Variants in MBD5 observed in about 807,000 individuals in gnomAD.
The protein encoded by MBD5 is methyl-CpG binding domain protein 5.
Under a neutral mutation model 117.3 loss-of-function variants are expected in MBD5, and 13 were observed. The ratio of observed to expected loss-of-function variants is 0.11; its 90% CI spans 0.07 to 0.18. The LOEUF is 0.18. Among genes scored for constraint, MBD5 ranks in the 10% least tolerant of loss-of-function variants. The pLI, the probability that MBD5 is intolerant of heterozygous loss-of-function variation, is 1.00. For synonymous variants in MBD5, 727 were observed against 766.4 expected (o/e 0.95, Z 0.85); for missense variants, 1,879 against 2,093.8 (o/e 0.90, Z 2.00).
At chr2:148,287,801 A>G (rs1701398178) in intron 3 of MBD5, among the ~76,000 whole-genome samples, 1 of 152,068 alleles carries the variant, frequency 6.6e-6, no homozygotes, top group Non-Finnish European at 1.5e-5. Flanking sequence ...TAATGAAACC[A>G]TCCTATGATA....
At chr2:148,399,079 G>A (rs1463635222) in intron 4 of MBD5, among the ~76,000 whole-genome samples, 3 of 152,176 alleles carry the variant, frequency 2.0e-5, no homozygotes. Flanking sequence ...TTTGAAGTCA[G>A]GTAGAGTGAT....
intron 3 of MBD5, among the ~76,000 whole-genome samples, chr2:148,313,220 G>A (rs1190427696): frequency 2.0e-5 from 3 of 152,184 alleles, no homozygotes; most frequent in Admixed American, 6.5e-5. Context: ...GTGGCAGGCA[G>A]GAACATTTAT....
intron 4 of MBD5, among the ~76,000 whole-genome samples, chr2:148,420,383 A>G (rs1008053115): frequency 2.6e-5 from 4 of 151,926 alleles, no homozygotes; most frequent in Admixed American, 1.3e-4. Context: ...TTGTCCCCCA[A>G]CTTCAAAACC....
intron 1 of MBD5, among the ~76,000 whole-genome samples, chr2:148,154,388 T>C (rs1303342515): frequency 6.6e-6 from 1 of 151,722 alleles, no homozygotes; most frequent in East Asian, 2.0e-4. Context: ...TCTTTTTGTT[T>C]GTCTGTGCCC....
At position 148,224,680 on chromosome 2, in the gene MBD5, T is replaced by C. The variant is rs146254040; in HGVS notation, c.-830-8565T>C. ...CTGGCTGCCTCTAGCTATTAGTGTATTGGGGCCTATCTCTATCTTTAGCTC... is the reference window on the plus strand; with the variant it reads ...CTGGCTGCCTCTAGCTATTAGTGTACTGGGGCCTATCTCTATCTTTAGCTC... On this transcript the variant is annotated intron_variant, in intron 2 of 13. Transcript: ENST00000642680. Among the ~76,000 whole-genome samples the C allele has an allele frequency of 3.5e-3, 528 of 151,996 alleles. 2 individuals are homozygous for C. The highest frequency in any genetic ancestry group is 0.012 in the African/African-American group (512 of 41,440).
intron 1 of MBD5, among the ~76,000 whole-genome samples, chr2:148,090,430 C>T (rs1695907694): frequency 6.6e-6 from 1 of 151,826 alleles, no homozygotes; most frequent in South Asian, 2.1e-4. Context: ...AACATAGATG[C>T]AAAAATTCTC....
Position 148,412,272 on chromosome 2 carries a change from T to TTTTTTTTGTG in MBD5, c.-556-45930_-556-45929insTTTTTTGTGT, listed in dbSNP as rs946184910. The stretch of plus-strand genomic sequence containing the variant: ...TTACTGTAGCCTTGTAGTATACTTT[T>TTTTTTTTGTG]TGTGTGTGTGTGTGTGTGTGTGTGT... On this transcript the variant is annotated intron_variant, in intron 4 of 13. Coordinates refer to ENST00000642680, the MANE Select transcript of MBD5 (RefSeq NM_001378120.1). Among the ~76,000 whole-genome samples, 67 of 144,578 alleles carry TTTTTTTTGTG rather than the reference T, an allele frequency of 4.6e-4. 1 individual carries two copies. The highest frequency in any genetic ancestry group is 1.6e-3 in the African/African-American group (61 of 38,276). 94.8% of individuals were successfully genotyped at this position (144,578 alleles called of 152,430 possible).
At chr2:148,108,911 A>G (rs1696439452) in intron 1 of MBD5, among the ~76,000 whole-genome samples, 1 of 152,228 alleles carries the variant, frequency 6.6e-6, no homozygotes, top group Non-Finnish European at 1.5e-5. Flanking sequence ...CATGGGCATT[A>G]CATTTGCAAA....
chr2:148,164,022 A>G (rs1167203640), intron 1 of MBD5, among the ~76,000 whole-genome samples: 1 of 152,112 alleles, frequency 6.6e-6, no homozygotes, highest in African/African-American at 2.4e-5. Context: ...AGTGTTTACT[A>G]TTTTTCTAGT....
chr2:148,317,361 C>T (rs963058931), intron 3 of MBD5, among the ~76,000 whole-genome samples: 1 of 151,704 alleles, frequency 6.6e-6, no homozygotes, highest in African/African-American at 2.4e-5. Flanking sequence ...AAGAGCGAAA[C>T]TCCGCCTCAA....
In MBD5 at chr2:148,021,118, A is replaced by T. The variant is rs937419468; in HGVS notation, c.-1491A>T. 3 of 142,650 alleles carry T rather than the reference A, an allele frequency of 2.1e-5. No homozygotes were observed. Among genetic ancestry groups the T allele is most frequent in the Non-Finnish European group, 3.1e-5 (2 of 65,500 alleles). The allele number at this position is 142,650 out of a possible 1,614,324, so 8.8% of individuals were successfully genotyped here. A position where few individuals can be genotyped will look rare whatever the true frequency, so the allele number is the denominator to read the frequency against. On this transcript the variant is annotated 5_prime_UTR_variant, in exon 1 of 14. Transcript: ENST00000642680. Reference sequence around the variant, plus strand: ...GCAGAGAGACCCCAGCAGCAGCAGCAGCTGATGATGAAGAGAGAGGCAGTG... The same window carrying T: ...GCAGAGAGACCCCAGCAGCAGCAGCTGCTGATGATGAAGAGAGAGGCAGTG...
intron 2 of MBD5, among the ~76,000 whole-genome samples, chr2:148,182,917 T>C (rs892949177): frequency 5.3e-5 from 8 of 152,174 alleles, no homozygotes; most frequent in African/African-American, 1.9e-4. Flanking sequence ...TGGGAATTGA[T>C]TGTCCTAACT....
rs893919523 is a variant in MBD5, at chr2:148,080,005, A to C, written c.-925+58321A>C. 4.6e-5 allele frequency among the ~76,000 whole-genome samples: 7 copies of C among 152,246 alleles called. No homozygotes were observed. The South Asian group carries it at 1.4e-3, about 32-fold the overall frequency. On this transcript the variant is annotated intron_variant, in intron 1 of 13. Coordinates refer to ENST00000642680, the MANE Select transcript of MBD5 (RefSeq NM_001378120.1). ...TGTTAATAGATTCTAATTTATCTCT[A>C]TCAGGTAAAGACATTGAATAAAATA...
chr2:148,038,511 G>A (rs1252632623), intron 1 of MBD5, among the ~76,000 whole-genome samples: 3 of 140,286 alleles, frequency 2.1e-5, no homozygotes, highest in African/African-American at 8.1e-5. Context: ...ACAGTCTTAT[G>A]ATTGCTGACA....
intron 3 of MBD5, among the ~76,000 whole-genome samples, chr2:148,292,808 T>A (rs754936173): frequency 6.6e-6 from 1 of 152,032 alleles, no homozygotes; most frequent in African/African-American, 2.4e-5. Context: ...AGCTAGAGAT[T>A]CGGGAGCAAG....
At chr2:148,205,870 C>A (rs893386843) in intron 2 of MBD5, among the ~76,000 whole-genome samples, 1 of 151,832 alleles carries the variant, frequency 6.6e-6, no homozygotes, top group African/African-American at 2.4e-5. Context: ...TACAAAAATA[C>A]AAAAATCAGC....
At chr2:148,106,518 AT>A (rs1574020418) in intron 1 of MBD5, among the ~76,000 whole-genome samples, 1 of 151,732 alleles carries the variant, frequency 6.6e-6, no homozygotes, top group Admixed American at 6.6e-5. Context: ...GACAATTTTT[AT>A]TTTTTGCTGT....
At chr2:148,490,773 T>TA in intron 11 of MBD5, 179 bp downstream of exon 11, 1 of 737,262 alleles carries the variant, frequency 1.4e-6, no homozygotes, top group Non-Finnish European at 2.2e-6. Context: ...CAACAAAATG[T>TA]CGTATCAACA....
At chr2:148,204,310 G>T (rs557605550) in intron 2 of MBD5, among the ~76,000 whole-genome samples, 1 of 151,238 alleles carries the variant, frequency 6.6e-6, no homozygotes, top group South Asian at 2.1e-4. Flanking sequence ...TGTGAAGAAT[G>T]AATAAAATAA....
Sources: gnomAD v4.1 joint callset for allele counts (sites outside exome capture counted in the v4.1 genomes callset) on GRCh38, gnomAD v4.1.1 for gene constraint, MANE v1.5 for transcripts, NCBI Gene and HGNC (gene_info 2026-07-23, HGNC 2026-07-21) for gene names.